SLC7A14: variants seen among roughly 807,000 people sequenced by gnomAD.
SLC7A14 encodes the protein gamma-aminobutyric acid transporter SLC7A14.
A neutral mutation model predicts 60.2 loss-of-function variants in SLC7A14; 37 were observed. The ratio of observed to expected loss-of-function variants is 0.61; its 90% confidence interval spans 0.47 to 0.81. The LOEUF (loss-of-function observed/expected upper bound fraction) is 0.81, where lower values mean the gene tolerates loss of function less well. Ranked by LOEUF, SLC7A14 falls within the 30% of genes least tolerant of loss-of-function variation. SLC7A14 has a pLI of 0.00. For missense variants in SLC7A14, 886 were observed against 982.7 expected, an observed-to-expected ratio of 0.90 and a Z score of 1.32; for synonymous variants, 399 against 395.8, an observed-to-expected ratio of 1.01 and a Z score of -0.10.
intron 7 of SLC7A14, among the ~76,000 whole-genome samples, chr3:170,473,983 A>T (rs1046844615): frequency 2.0e-5 from 3 of 152,204 alleles, no homozygotes; most frequent in Admixed American, 1.3e-4. Context: ...ATTCTAACTC[A>T]ACAGAAACCC....
rs556429508 is a variant in SLC7A14, at chr3:170,464,165, G to A, written c.*2890C>T. On this transcript the variant is annotated 3_prime_UTR_variant, in exon 8 of 8. Transcript: ENST00000231706. ...TTGTATTATATATATTTTAGTAGCT[G>A]CCTCAAATCCTTTTGAAATGAAGCA... 2.0e-5 allele frequency: 3 copies of A among 152,256 alleles called. No homozygotes were observed. The highest frequency in any genetic ancestry group is 1.9e-4 in the East Asian group (1 of 5,192). The allele number at this position is 152,256 out of a possible 1,614,324, so 9.4% of individuals were successfully genotyped here.
In SLC7A14 at chr3:170,459,605, C is replaced by T. The variant is rs1433046456; in HGVS notation, c.*7450G>A. On this transcript the variant is annotated 3_prime_UTR_variant, in exon 8 of 8. Coordinates refer to ENST00000231706, the MANE Select transcript of SLC7A14 (RefSeq NM_020949.3). ...GCTGTACTTTTTAAAATGTTTTATT[C>T]TGAAAATGAATTTTCCACAATAATG... 2.0e-5 allele frequency: 3 copies of T among 152,268 alleles called. No homozygotes were observed. In the East Asian group the frequency reaches 5.8e-4, roughly 29 times the overall value. 9.4% of individuals were successfully genotyped at this position (152,268 alleles called of 1,614,324 possible). A position where few individuals can be genotyped will look rare whatever the true frequency, so the allele number is the denominator to read the frequency against.
At chr3:170,515,087 T>G (rs1713107684) in intron 2 of SLC7A14, among the ~76,000 whole-genome samples, 1 of 151,962 alleles carries the variant, frequency 6.6e-6, no homozygotes, top group South Asian at 2.1e-4. Context: ...CCGAGGCAGG[T>G]GGATCACCTG....
chr3:170,506,031 C>T (rs941337547), intron 2 of SLC7A14, among the ~76,000 whole-genome samples: 2 of 152,130 alleles, frequency 1.3e-5, no homozygotes, highest in Admixed American at 1.3e-4. Context: ...TGGTTATCCA[C>T]CAAGTGATTA....
intron 7 of SLC7A14, among the ~76,000 whole-genome samples, chr3:170,477,228 C>T (rs888270560): frequency 2.0e-5 from 3 of 152,216 alleles, no homozygotes; most frequent in Non-Finnish European, 4.4e-5. Context: ...TTCCTGTTGA[C>T]TTTGAGCATG....
At chr3:170,528,796 T>C (rs942399199) in intron 1 of SLC7A14, among the ~76,000 whole-genome samples, 9 of 152,310 alleles carry the variant, frequency 5.9e-5, no homozygotes, top group Non-Finnish European at 5.9e-5. Flanking sequence ...TTTCTTCTTC[T>C]AAAGATTTTC....
intron 1 of SLC7A14, among the ~76,000 whole-genome samples, chr3:170,579,454 G>C (rs554720943): frequency 5.3e-5 from 8 of 152,168 alleles, no homozygotes; most frequent in South Asian, 2.1e-4. Context: ...AAAATGAAGA[G>C]AAAATGAGAA....
chr3:170,487,997 G>A (rs569745555), intron 4 of SLC7A14, among the ~76,000 whole-genome samples: 161 of 152,186 alleles, frequency 1.1e-3, no homozygotes, highest in Middle Eastern at 0.01. Context: ...GATTATGATA[G>A]TTATTACACA....
intron 6 of SLC7A14, 67 bp from the exon 7 acceptor site, chr3:170,481,233 T>C (rs539306497): frequency 4.7e-6 from 7 of 1,504,508 alleles, no homozygotes; most frequent in Non-Finnish European, 6.3e-6. Context: ...GCAGCCAACA[T>C]AGGGAGCTAG....
At chr3:170,575,772 T>C (rs2108317067) in intron 1 of SLC7A14, among the ~76,000 whole-genome samples, 1 of 152,276 alleles carries the variant, frequency 6.6e-6, no homozygotes, top group African/African-American at 2.4e-5. Context: ...CTGTAATACA[T>C]AGGGAAAAGA....
intron 1 of SLC7A14, among the ~76,000 whole-genome samples, chr3:170,540,436 T>A (rs1234090079): frequency 6.6e-6 from 1 of 152,060 alleles, no homozygotes; most frequent in Admixed American, 6.6e-5. Context: ...AAAGGTATAT[T>A]TTTGATTTTT....
intron 1 of SLC7A14, among the ~76,000 whole-genome samples, chr3:170,550,975 A>G (rs184808831): frequency 1.6e-3 from 244 of 152,328 alleles, no homozygotes; most frequent in African/African-American, 5.7e-3. Context: ...GAATTGTGAA[A>G]CTATCACACT....
At position 170,571,934 on chromosome 3, in the gene SLC7A14, G is replaced by A. The variant is rs530459369; in HGVS notation, c.-153+13977C>T. The stretch of plus-strand genomic sequence containing the variant: ...AAACTAGCTGGGCATGGTGGTGCAC[G>A]CCTGTAGTCCCAACTACTCAGGAGG... On this transcript the variant is annotated intron_variant, in intron 1 of 7. Coordinates refer to ENST00000231706, the MANE Select transcript of SLC7A14 (RefSeq NM_020949.3). Among the ~76,000 whole-genome samples the A allele has an allele frequency of 9.9e-5, 15 of 151,988 alleles. No individual in the cohort carries two copies. In the South Asian group the frequency reaches 2.9e-3, roughly 29 times the overall value.
intron 4 of SLC7A14, among the ~76,000 whole-genome samples, chr3:170,487,648 A>T (rs1056632698): frequency 1.3e-5 from 2 of 152,184 alleles, no homozygotes; most frequent in African/African-American, 4.8e-5. Flanking sequence ...AAAATTAAAG[A>T]TCTTCTCAAA....
rs1388380701 is a variant in SLC7A14 at position 170,501,212 on chromosome 3, G to C, written c.438C>G (p.Gly146=). 1 of 1,614,196 alleles carries C rather than the reference G, an allele frequency of 6.2e-7. No homozygotes were observed. The highest frequency in any genetic ancestry group is 8.5e-7 in the Non-Finnish European group (1 of 1,180,032). The change falls in exon 3 of 8, where the codon GGC becomes GGG. Residue 146 remains glycine (G), a synonymous_variant. Transcript: ENST00000231706. ...GWNLILEYLI[G]TAAGASALSS... ...TCAGAGCACTGGCTCCGGCCGCAGT[G>C]CCAATCAGGTACTCCAGGATCAGGT...
chr3:170,497,889 C>T (rs1183385904), intron 4 of SLC7A14, among the ~76,000 whole-genome samples: 1 of 152,212 alleles, frequency 6.6e-6, no homozygotes, highest in African/African-American at 2.4e-5. Context: ...TTTGGTCCAG[C>T]CCATGCTCTT....
intron 2 of SLC7A14, among the ~76,000 whole-genome samples, chr3:170,516,592 A>G (rs1233989986): frequency 2.0e-5 from 3 of 151,732 alleles, no homozygotes; most frequent in Non-Finnish European, 4.4e-5. Flanking sequence ...AAAATAAAAT[A>G]AATAAATAAA....
intron 4 of SLC7A14, among the ~76,000 whole-genome samples, chr3:170,495,395 A>G (rs1354941405): frequency 6.6e-6 from 1 of 152,176 alleles, no homozygotes; most frequent in Non-Finnish European, 1.5e-5. Flanking sequence ...CTCCTTCTGG[A>G]ATCTCTGCCT....
At chr3:170,527,406 C>T (rs1336559182) in intron 1 of SLC7A14, among the ~76,000 whole-genome samples, 1 of 152,170 alleles carries the variant, frequency 6.6e-6, no homozygotes, top group Non-Finnish European at 1.5e-5. Flanking sequence ...TAAAGTCTCT[C>T]TCCTAGTGTT....
Sources: allele counts gnomAD v4.1 joint callset (sites outside exome capture counted in the v4.1 genomes callset), GRCh38; gene constraint gnomAD v4.1.1; transcripts MANE v1.5; gene names NCBI Gene and HGNC (gene_info 2026-07-23, HGNC 2026-07-21).